The following CEP85L variants were observed in gnomAD, a reference collection of about 807,000 sequenced individuals.
The protein encoded by CEP85L is centrosomal protein of 85 kDa-like.
Under a neutral mutation model 100.3 loss-of-function variants are expected in CEP85L, and 60 were observed. The observed-to-expected ratio is 0.60, with a 90% CI of 0.49 to 0.74. The LOEUF (loss-of-function observed/expected upper bound fraction) is 0.74, where lower values mean the gene tolerates loss of function less well. Among genes scored for constraint, CEP85L ranks in the 30% least tolerant of loss-of-function variants. The pLI, the probability that CEP85L is intolerant of heterozygous loss-of-function variation, is 0.00. For synonymous variants in CEP85L, 319 were observed against 322.7 expected (o/e 0.99, Z 0.12); for missense variants, 973 against 936.2 (o/e 1.04, Z -0.51).
At chr6:118,467,970 A>G (rs1772653963) in intron 12 of CEP85L, among the ~76,000 whole-genome samples, 1 of 152,162 alleles carries the variant, frequency 6.6e-6, no homozygotes, top group African/African-American at 2.4e-5. Flanking sequence ...AATTTGGTTA[A>G]TGTGTGGACA....
intron 1 of CEP85L, among the ~76,000 whole-genome samples, chr6:118,641,671 C>G (rs552193909): frequency 1.1e-3 from 169 of 152,202 alleles, no homozygotes; most frequent in African/African-American, 3.9e-3. Flanking sequence ...TTTACTTAAA[C>G]TAGCCCTCAC....
chr6:118,644,214 A>T (rs1433006308), intron 1 of CEP85L, among the ~76,000 whole-genome samples: 1 of 152,148 alleles, frequency 6.6e-6, no homozygotes. Context: ...ACTGGTGATC[A>T]CTACTGCCTT....
intron 5 of CEP85L, among the ~76,000 whole-genome samples, 168 bp downstream of exon 5, chr6:118,511,130 G>C (rs1348699410): frequency 6.6e-6 from 1 of 152,108 alleles, no homozygotes; most frequent in African/African-American, 2.4e-5. Flanking sequence ...GTGCAATCTG[G>C]ACAGATGGAA....
chr6:118,474,630 C>G (rs936801597), intron 10 of CEP85L, among the ~76,000 whole-genome samples: 2 of 152,190 alleles, frequency 1.3e-5, no homozygotes, highest in Non-Finnish European at 2.9e-5. Context: ...CTCCAGTGAG[C>G]GTTCAGCTAC....
chr6:118,651,139 G>C, intron 1 of CEP85L, 58 bp downstream of exon 1: 5 of 1,455,614 alleles, frequency 3.4e-6, no homozygotes, highest in Non-Finnish European at 4.5e-6. Context: ...GCGAGGTCCC[G>C]AGGCGCCGCG....
chr6:118,682,220 T>A (rs1776688346), intron 1 of CEP85L, among the ~76,000 whole-genome samples: 1 of 152,202 alleles, frequency 6.6e-6, no homozygotes, highest in African/African-American at 2.4e-5. Flanking sequence ...AAAATTCACT[T>A]TAAAATTATT....
In CEP85L at chr6:118,461,551, C is replaced by T. The variant is rs995500449; in HGVS notation, c.*3854G>A. The T allele has an allele frequency of 1.3e-5, 2 of 151,940 alleles. No homozygotes were observed. The highest frequency in any genetic ancestry group is 1.3e-4 in the Admixed American group (2 of 15,258). The allele number at this position is 151,940 out of a possible 1,614,324, so 9.4% of individuals were successfully genotyped here. On this transcript the variant is annotated 3_prime_UTR_variant, in exon 13 of 13. Transcript: ENST00000368491. ...AAAAGGTTCTCTCTGTGTACAGCTG[C>T]AATAGTGTTATTAGACTTGCTGATT... is the stretch of plus-strand genomic sequence containing the variant.
intron 5 of CEP85L, chr6:118,502,594 T>C (rs1351629110): frequency 1.0e-5 from 5 of 480,196 alleles, no homozygotes; most frequent in Non-Finnish European, 1.9e-5. Flanking sequence ...GTTGAAGTTT[T>C]TGACTCTTGA....
At chr6:118,592,967 GA>G (rs907848085) in intron 2 of CEP85L, among the ~76,000 whole-genome samples, 7 of 146,298 alleles carry the variant, frequency 4.8e-5, no homozygotes, top group African/African-American at 1.5e-4. Context: ...AAATTTTATG[GA>G]AAAAAAAGAA....
intron 1 of CEP85L, among the ~76,000 whole-genome samples, chr6:118,674,645 A>G (rs1342546178): frequency 6.6e-6 from 1 of 152,228 alleles, no homozygotes; most frequent in Non-Finnish European, 1.5e-5. Context: ...ATCTGATTTT[A>G]AAGCTATCTG....
intron 4 of CEP85L, among the ~76,000 whole-genome samples, chr6:118,520,585 A>G (rs1776604837): frequency 1.3e-5 from 2 of 152,166 alleles, no homozygotes; most frequent in Admixed American, 6.5e-5. Context: ...TGAAAAAAAT[A>G]TAATTATTGT....
chr6:118,536,498 ATACTTT>A (rs1777601046), intron 3 of CEP85L, among the ~76,000 whole-genome samples: 1 of 152,224 alleles, frequency 6.6e-6, no homozygotes, highest in African/African-American at 2.4e-5. Context: ...GGAAATACTT[ATACTTT>A]ATTTCACTTT....
At chr6:118,565,022 A>G (rs960542901) in intron 3 of CEP85L, 8 of 79,840 alleles carry the variant, frequency 1.0e-4, no homozygotes, top group African/African-American at 3.8e-4. Flanking sequence ...CATCTGATTT[A>G]TAAACCTAAA....
At chr6:118,569,619 C>A (rs1477792201) in intron 2 of CEP85L, among the ~76,000 whole-genome samples, 2 of 151,714 alleles carry the variant, frequency 1.3e-5, no homozygotes, top group Non-Finnish European at 2.9e-5. Flanking sequence ...GAGATGACAA[C>A]AGTGAGAATT....
chr6:118,526,260 T>C (rs1776957389), intron 3 of CEP85L, among the ~76,000 whole-genome samples: 1 of 152,176 alleles, frequency 6.6e-6, no homozygotes, highest in Non-Finnish European at 1.5e-5. Context: ...TCACTGTGGT[T>C]GGTAACTAAC....
At chr6:118,510,215 T>C (rs1429809087) in intron 5 of CEP85L, among the ~76,000 whole-genome samples, 3 of 151,880 alleles carry the variant, frequency 2.0e-5, no homozygotes, top group Non-Finnish European at 2.9e-5. Context: ...GATTCATTTA[T>C]AAAATACTCA....
chr6:118,461,154 T>C lies in CEP85L; in HGVS notation c.*4251A>G, dbSNP rs1482281753. 6.6e-6 allele frequency: 1 copy of C among 152,162 alleles called. No individual in the cohort carries two copies. Among genetic ancestry groups the C allele is most frequent in the Non-Finnish European group, 1.5e-5 (1 of 68,014 alleles). 9.4% of individuals were successfully genotyped at this position (152,162 alleles called of 1,614,324 possible). On this transcript the variant is annotated 3_prime_UTR_variant, in exon 13 of 13. Transcript: ENST00000368491. Reference sequence around the variant, plus strand: ...CCAGTCATAGTGACTGATTATACACTGTGCTGTGCTTTTTAATGTAACCAC... The same window carrying C: ...CCAGTCATAGTGACTGATTATACACCGTGCTGTGCTTTTTAATGTAACCAC...
intron 2 of CEP85L, among the ~76,000 whole-genome samples, chr6:118,601,804 C>T (rs1277357252): frequency 1.3e-5 from 2 of 152,152 alleles, no homozygotes; most frequent in Admixed American, 6.5e-5. Context: ...GGGAGTGTCG[C>T]AGTGAGGACA....
intron 2 of CEP85L, among the ~76,000 whole-genome samples, chr6:118,606,245 C>T (rs1397278964): frequency 6.6e-6 from 1 of 152,110 alleles, no homozygotes; most frequent in Admixed American, 6.5e-5. Context: ...TGACTTTAGC[C>T]TTCCCAAATG....
Sources: allele counts gnomAD v4.1 joint callset (sites outside exome capture counted in the v4.1 genomes callset), GRCh38; gene constraint gnomAD v4.1.1; transcripts MANE v1.5; gene names NCBI Gene and HGNC (gene_info 2026-07-23, HGNC 2026-07-21).